Variants in SARDH observed in about 807,000 individuals in gnomAD.
SARDH encodes the protein sarcosine dehydrogenase, also known as sarcosine dehydrogenase, mitochondrial.
A neutral mutation model predicts 109.1 loss-of-function variants in SARDH; 95 were observed. The ratio of observed to expected loss-of-function variants is 0.87; its 90% CI spans 0.74 to 1.03. SARDH has a LOEUF of 1.03. Ranked by LOEUF, SARDH falls within the 50% of genes least tolerant of loss-of-function variation. The pLI, the probability that SARDH is intolerant of heterozygous loss-of-function variation, is 0.00. For synonymous variants in SARDH, 572 were observed against 534.8 expected, an observed-to-expected ratio of 1.07 and a Z score of -0.96; for missense variants, 1,267 against 1,287.8, an observed-to-expected ratio of 0.98 and a Z score of 0.25.
intron 1 of SARDH, among the ~76,000 whole-genome samples, chr9:133,737,329 G>A (rs1325451385): frequency 6.6e-6 from 1 of 152,222 alleles, no homozygotes; most frequent in Non-Finnish European, 1.5e-5. Context: ...AGGTGTTGGA[G>A]CTTGTCCTCA....
downstream of SARDH, among the ~76,000 whole-genome samples, chr9:133,662,125 C>CG (rs1829901966): frequency 1.3e-5 from 2 of 151,904 alleles, no homozygotes; most frequent in African/African-American, 2.4e-5. This position sits in a 1 kb window ranked among gnomAD's most constrained non-coding sequence, Gnocchi z 5.1. Context: ...TCCACAGGGG[C>CG]GGGGGAAGCA....
intron 6 of SARDH, among the ~76,000 whole-genome samples, chr9:133,726,848 C>T (rs2131492306): frequency 6.6e-6 from 1 of 152,348 alleles, no homozygotes; most frequent in East Asian, 1.9e-4. Flanking sequence ...CTTGTCATCA[C>T]ACAGCTACCA....
rs184617792 is a variant in SARDH, at chr9:133,718,040, G to A, written c.1021-585C>T. Among the ~76,000 whole-genome samples, 4 of 152,248 alleles carry A rather than the reference G, an allele frequency of 2.6e-5. No homozygotes were observed. The East Asian group carries it at 7.7e-4, about 29-fold the overall frequency. On this transcript the variant is annotated intron_variant, in intron 7 of 20. Coordinates refer to ENST00000439388, the MANE Select transcript of SARDH (RefSeq NM_001134707.2). The surrounding 1 kb of genome is among the most constrained non-coding windows in gnomAD (Gnocchi z 4.2). ...TTAACCTGCTAATTTTATTCAGTGC[G>A]CGATCATCTTCCAGAATTTCATTCC...
intron 4 of SARDH, among the ~76,000 whole-genome samples, chr9:133,730,804 T>C (rs534336233): frequency 1.1e-4 from 16 of 151,998 alleles, no homozygotes; most frequent in Non-Finnish European, 1.3e-4. Context: ...AGTGAAACCC[T>C]GTCTCTACTA....
chr9:133,711,693 G>A (rs1386125853), intron 10 of SARDH, among the ~76,000 whole-genome samples: 1 of 152,202 alleles, frequency 6.6e-6, no homozygotes, highest in African/African-American at 2.4e-5. Context: ...GCTGAGCCAG[G>A]CCTTCTCCCT....
chr9:133,700,906 G>A (rs983429778), intron 13 of SARDH, among the ~76,000 whole-genome samples: 11 of 152,176 alleles, frequency 7.2e-5, no homozygotes, highest in African/African-American at 2.7e-4. Flanking sequence ...CCACCTCATT[G>A]TTGTTACAGG....
chr9:133,685,810 G>A (rs1448692484), intron 16 of SARDH, among the ~76,000 whole-genome samples: 1 of 152,204 alleles, frequency 6.6e-6, no homozygotes, highest in Non-Finnish European at 1.5e-5. Context: ...GGCAGAGCCG[G>A]ATTGGAGCAG....
intron 13 of SARDH, 117 bp downstream of exon 13, chr9:133,702,799 C>G (rs2131415139): frequency 1.1e-5 from 9 of 829,422 alleles, no homozygotes; most frequent in South Asian, 1.0e-4. Context: ...GAATGCAGAG[C>G]CCGAAGAGAC....
At position 133,709,078 on chromosome 9, in the gene SARDH, C is replaced by T. The variant is rs979783086; in HGVS notation, c.1329-650G>A. On this transcript the variant is annotated intron_variant, in intron 10 of 20. Coordinates refer to ENST00000439388, the MANE Select transcript of SARDH (RefSeq NM_001134707.2). The surrounding 1 kb of genome is among the most constrained non-coding windows in gnomAD (Gnocchi z 4.2). Reference sequence around the variant, plus strand: ...GAAAATCCCAGCTGTGTCTGGGGAGCGGCTGCCCAATCCAGCGCCTGGGAC... The same window carrying T: ...GAAAATCCCAGCTGTGTCTGGGGAGTGGCTGCCCAATCCAGCGCCTGGGAC... 2.0e-5 allele frequency among the ~76,000 whole-genome samples: 3 copies of T among 152,114 alleles called. No homozygotes were observed. Among genetic ancestry groups the T allele is most frequent in the African/African-American group, 4.8e-5 (2 of 41,422 alleles).
chr9:133,667,799 G>C (rs1335543966), intron 19 of SARDH, among the ~76,000 whole-genome samples: 2 of 152,128 alleles, frequency 1.3e-5, no homozygotes, highest in South Asian at 4.1e-4. Flanking sequence ...TTAGGACGAG[G>C]CTGGAAGGAG....
rs1832171436 is a variant in SARDH at position 133,717,533 on chromosome 9, T to A, written c.1021-78A>T. ...TCCCCATGCCAAACCTGCCTTGTGA[T>A]GGCTGCCAGGCCAGCCTCTGCTGAA... On this transcript the variant is annotated intron_variant, in intron 7 of 20. Transcript: ENST00000439388. 1.5e-5 allele frequency: 23 copies of A among 1,577,452 alleles called. No individual in the cohort carries two copies. The South Asian group carries it at 2.5e-4, about 17-fold the overall frequency.
intron 13 of SARDH, among the ~76,000 whole-genome samples, chr9:133,699,315 T>C (rs1221631923): frequency 6.6e-6 from 1 of 152,124 alleles, no homozygotes; most frequent in Non-Finnish European, 1.5e-5. Flanking sequence ...GAGACCAGCC[T>C]AGCCAACATG....
chr9:133,679,061 C>T (rs183889218), intron 17 of SARDH, among the ~76,000 whole-genome samples: 168 of 152,296 alleles, frequency 1.1e-3, no homozygotes, highest in African/African-American at 3.7e-3. Context: ...GGGTGGGGGT[C>T]GAAGCTTCCC....
chr9:133,703,178 C>T (rs549318951), intron 12 of SARDH, 149 bp from the exon 13 acceptor site: 40 of 678,890 alleles, frequency 5.9e-5, no homozygotes, highest in African/African-American at 2.7e-4. Context: ...GTTGTGGACG[C>T]GGGCAGGGGG....
Position 133,690,688 on chromosome 9 carries a change from C to T in SARDH, c.1922-161G>A, listed in dbSNP as rs565784275. On this transcript the variant is annotated intron_variant, in intron 15 of 20. Coordinates refer to ENST00000439388, the MANE Select transcript of SARDH (RefSeq NM_001134707.2). ...CCGTATCTGTCCCTCCCTGGGTCCC[C>T]CAGGGCCACGCCTTGCAGAGTATCC... Among the ~76,000 whole-genome samples, 9 of 152,168 alleles carry T rather than the reference C, an allele frequency of 5.9e-5. No homozygotes were observed. In the East Asian group the frequency reaches 1.7e-3, roughly 30 times the overall value.
At chr9:133,674,594 C>T (rs1167149835) in intron 17 of SARDH, among the ~76,000 whole-genome samples, 2 of 152,220 alleles carry the variant, frequency 1.3e-5, no homozygotes, top group East Asian at 1.9e-4. Flanking sequence ...TGAACCGTCA[C>T]GTATGTGTTC....
Position 133,663,869 on chromosome 9 carries a change from G to A in SARDH, c.*20C>T, listed in dbSNP as rs1829963465. The A allele has an allele frequency of 1.9e-6, 3 of 1,613,568 alleles. No individual in the cohort carries two copies. The highest frequency in any genetic ancestry group is 1.7e-4 in the Middle Eastern group (1 of 6,000). The stretch of plus-strand genomic sequence containing the variant: ...TGAGAATGGATGGACAGCATGGGAT[G>A]GGGCATGTGGTCTGAGCCCTCAGTA... On this transcript the variant is annotated 3_prime_UTR_variant, in exon 21 of 21. Coordinates refer to ENST00000439388, the MANE Select transcript of SARDH (RefSeq NM_001134707.2).
chr9:133,730,964 G>A (rs914387482), intron 4 of SARDH, among the ~76,000 whole-genome samples: 3 of 152,196 alleles, frequency 2.0e-5, no homozygotes, highest in African/African-American at 4.8e-5. Flanking sequence ...GCGACAGAGC[G>A]AGATACTGTC....
intron 12 of SARDH, 130 bp from the exon 13 acceptor site, chr9:133,703,159 T>A: frequency 1.3e-6 from 1 of 761,466 alleles, no homozygotes; most frequent in Non-Finnish European, 2.2e-6. Flanking sequence ...CTGCACTGAG[T>A]GCCCGTGTGT....
Sources: allele counts gnomAD v4.1 joint callset (sites outside exome capture counted in the v4.1 genomes callset), GRCh38; gene constraint gnomAD v4.1.1; non-coding constraint Gnocchi (gnomAD v3.1); transcripts MANE v1.5; gene names NCBI Gene and HGNC (gene_info 2026-07-23, HGNC 2026-07-21).